Variants in IGF2R observed in about 807,000 individuals in gnomAD.
IGF2R encodes the protein insulin like growth factor 2 receptor, also known as cation-independent mannose-6-phosphate receptor.
IGF2R carries 91 observed loss-of-function variants against 270.6 expected under a neutral mutation model. That is an observed-to-expected ratio of 0.34 (90% CI 0.28 to 0.40). IGF2R has a LOEUF of 0.40. IGF2R is among the 10% of genes least tolerant of loss of function. The pLI, the probability that IGF2R is intolerant of heterozygous loss-of-function variation, is 1.00. For missense variants in IGF2R, 2,805 were observed against 3,188.3 expected, an observed-to-expected ratio of 0.88 and a Z score of 2.90; for synonymous variants, 1,316 against 1,258.9, an observed-to-expected ratio of 1.05 and a Z score of -0.96.
At position 160,102,788 on chromosome 6, in the gene IGF2R, T is replaced by C. The variant is rs1198925731; in HGVS notation, c.6995+117T>C. On this transcript the variant is annotated intron_variant, in intron 46 of 47. Transcript: ENST00000356956. The surrounding 1 kb of genome is among the most constrained non-coding windows in gnomAD (Gnocchi z 4.5). ...TTTTAAGCCCTACAGCAGCGAAGGC[T>C]CGAGGTTCTTAGTCCAAAACTCTCT... is the stretch of plus-strand genomic sequence containing the variant. 1 of 1,211,776 alleles carries C rather than the reference T, an allele frequency of 8.3e-7. No individual in the cohort carries two copies. Among genetic ancestry groups the C allele is most frequent in the Non-Finnish European group, 1.1e-6 (1 of 883,152 alleles). The allele number at this position is 1,211,776 out of a possible 1,614,324, so 75.1% of individuals were successfully genotyped here.
At chr6:160,066,871 G>T (rs963550650) in intron 29 of IGF2R, among the ~76,000 whole-genome samples, 4 of 152,104 alleles carry the variant, frequency 2.6e-5, no homozygotes, top group African/African-American at 7.2e-5. Flanking sequence ...TCACCTTCAG[G>T]CAGCTTTCCC....
At chr6:160,064,189 G>A (rs1778505039) in intron 27 of IGF2R, among the ~76,000 whole-genome samples, 4 of 152,186 alleles carry the variant, frequency 2.6e-5, no homozygotes, top group Admixed American at 2.0e-4. Flanking sequence ...ATCATACACG[G>A]GTCAGTCTGT....
At chr6:159,979,830 G>A (rs190976507) in intron 1 of IGF2R, among the ~76,000 whole-genome samples, 1 of 152,202 alleles carries the variant, frequency 6.6e-6, no homozygotes, top group African/African-American at 2.4e-5. Flanking sequence ...GATCACAGAG[G>A]CTGTGGGACT....
At chr6:160,080,817 T>C (rs1217966231) in intron 39 of IGF2R, among the ~76,000 whole-genome samples, 1 of 152,096 alleles carries the variant, frequency 6.6e-6, no homozygotes, top group Non-Finnish European at 1.5e-5. Flanking sequence ...GGGAAATGCA[T>C]GAAAAATTAC....
intron 41 of IGF2R, among the ~76,000 whole-genome samples, chr6:160,085,549 T>G (rs1436700903): frequency 6.6e-6 from 1 of 152,242 alleles, no homozygotes; most frequent in Non-Finnish European, 1.5e-5. Flanking sequence ...GTAAAATGTC[T>G]TAACAATTTT....
In IGF2R at chr6:160,050,749, G is replaced by A. The variant is rs1778178633; in HGVS notation, c.2694+97G>A. On this transcript the variant is annotated intron_variant, in intron 19 of 47. Transcript: ENST00000356956. The surrounding 1 kb of genome is among the most constrained non-coding windows in gnomAD (Gnocchi z 4.0). ...TAACAGCAGCAGTCTTGGGGTGGGT[G>A]GCGGAGCTAGGCCAGTCTTAGTTCT... 9.4e-7 allele frequency: 1 copy of A among 1,065,148 alleles called. No homozygotes were observed. Among genetic ancestry groups the A allele is most frequent in the Non-Finnish European group, 1.3e-6 (1 of 745,462 alleles). The allele number at this position is 1,065,148 out of a possible 1,614,324, so 66.0% of individuals were successfully genotyped here.
rs377341036 is a variant in IGF2R, at chr6:159,994,601, C to T, written c.289+3278C>T. ...TTAGTGCTATAAACTTCCCTCTTAC[C>T]GCTGCTTTGCTGTATCCCAGAGGTT... is the stretch of plus-strand genomic sequence containing the variant. On this transcript the variant is annotated intron_variant, in intron 2 of 47. Transcript: ENST00000356956. Among the ~76,000 whole-genome samples the T allele has an allele frequency of 2.4e-4, 37 of 151,930 alleles. No homozygotes were observed. In the South Asian group the frequency reaches 2.7e-3, roughly 11 times the overall value.
At chr6:160,011,126 G>A (rs928658385) in intron 4 of IGF2R, among the ~76,000 whole-genome samples, 11 of 152,162 alleles carry the variant, frequency 7.2e-5, no homozygotes, top group African/African-American at 2.7e-4. Flanking sequence ...CTACCTGCAG[G>A]AGCCATCTGT....
chr6:160,065,283 T>TG (rs1337544803), intron 29 of IGF2R, among the ~76,000 whole-genome samples: 3 of 152,204 alleles, frequency 2.0e-5, no homozygotes, highest in Non-Finnish European at 2.9e-5. Flanking sequence ...TCTGGACACC[T>TG]GGGGTCCCAT....
chr6:160,026,419 G>A (rs1192090635), intron 5 of IGF2R, among the ~76,000 whole-genome samples: 1 of 152,162 alleles, frequency 6.6e-6, no homozygotes, highest in African/African-American at 2.4e-5. Context: ...GTGGGAGAAG[G>A]GTTGTTTGAA....
chr6:160,024,562 T>C lies in IGF2R; in HGVS notation c.514-10T>C. 1 of 1,613,916 alleles carries C rather than the reference T, an allele frequency of 6.2e-7. No individual in the cohort carries two copies. The highest frequency in any genetic ancestry group is 8.5e-7 in the Non-Finnish European group (1 of 1,179,886). ...TACTGAAGACTCACTTTTTTCTTCC[T>C]CCCTTCCAGGTGCCATGCTATGTGT... On this transcript the variant is annotated splice_polypyrimidine_tract_variant and intron_variant, in intron 4 of 47. Coordinates refer to ENST00000356956, the MANE Select transcript of IGF2R (RefSeq NM_000876.4).
At chr6:160,081,254 A>G (rs1778975472) in intron 39 of IGF2R, among the ~76,000 whole-genome samples, 1 of 152,170 alleles carries the variant, frequency 6.6e-6, no homozygotes, top group Non-Finnish European at 1.5e-5. Flanking sequence ...ATAAGGGGAA[A>G]GAGTACAAAA....
At chr6:160,065,236 C>G (rs1778541840) in intron 29 of IGF2R, among the ~76,000 whole-genome samples, 1 of 152,166 alleles carries the variant, frequency 6.6e-6, no homozygotes, top group African/African-American at 2.4e-5. Context: ...ATGTGATCGT[C>G]CACAGAGCTG....
intron 2 of IGF2R, among the ~76,000 whole-genome samples, chr6:159,991,636 T>C (rs750252615): frequency 6.6e-6 from 1 of 152,182 alleles, no homozygotes; most frequent in Non-Finnish European, 1.5e-5. Flanking sequence ...CCCACACTTT[T>C]CTTAAACCCT....
At chr6:159,996,144 A>G (rs759151648) in intron 2 of IGF2R, among the ~76,000 whole-genome samples, 2 of 152,182 alleles carry the variant, frequency 1.3e-5, no homozygotes, top group Non-Finnish European at 2.9e-5. Context: ...TGCTAGTGAT[A>G]GTAATGATGT....
Position 160,084,732 on chromosome 6 carries a change from G to A in IGF2R, c.6069-263G>A, listed in dbSNP as rs1347877751. Among the ~76,000 whole-genome samples the A allele has an allele frequency of 6.6e-6, 1 of 152,144 alleles. No individual in the cohort carries two copies. The highest frequency in any genetic ancestry group is 2.4e-5 in the African/African-American group (1 of 41,430). On this transcript the variant is annotated intron_variant, in intron 40 of 47. Transcript: ENST00000356956. This position sits in a 1 kb window ranked among gnomAD's most constrained non-coding sequence, Gnocchi z 4.6. Reference sequence around the variant, plus strand: ...CAGCCCCGGAGCCCTTCTTTCTACTGTACCACGCTGTGTCCAGGGTGGCCG... The same window carrying A: ...CAGCCCCGGAGCCCTTCTTTCTACTATACCACGCTGTGTCCAGGGTGGCCG...
chr6:160,031,933 C>T (rs1274326994), intron 7 of IGF2R, among the ~76,000 whole-genome samples: 3 of 152,082 alleles, frequency 2.0e-5, no homozygotes, highest in Admixed American at 6.5e-5. Flanking sequence ...ACATCAAAGA[C>T]GAATGGTGGA....
chr6:159,991,387 T>G, intron 2 of IGF2R, 64 bp downstream of exon 2: 5 of 1,451,628 alleles, frequency 3.4e-6, no homozygotes, highest in Non-Finnish European at 3.8e-6. Flanking sequence ...CAAAAATGAC[T>G]GTGTATAGCT....
chr6:160,060,110 A>C (rs1170759057), intron 22 of IGF2R, among the ~76,000 whole-genome samples: 4 of 152,016 alleles, frequency 2.6e-5, no homozygotes, highest in African/African-American at 4.8e-5. Context: ...AACCTGTCAT[A>C]ACACAGGCCA....
Sources: allele counts gnomAD v4.1 joint callset (sites outside exome capture counted in the v4.1 genomes callset), GRCh38; gene constraint gnomAD v4.1.1; non-coding constraint Gnocchi (gnomAD v3.1); transcripts MANE v1.5; gene names NCBI Gene and HGNC (gene_info 2026-07-23, HGNC 2026-07-21).